CA10: variants seen among roughly 807,000 people sequenced by gnomAD.
The protein encoded by CA10 is carbonic anhydrase-related protein 10.
Under a neutral mutation model 44.2 loss-of-function variants are expected in CA10, and 14 were observed. That is an observed-to-expected ratio of 0.32 (90% CI 0.21 to 0.50). CA10 has a LOEUF of 0.50. CA10 is among the 20% of genes least tolerant of loss of function. CA10 has a pLI of 0.99. For missense variants in CA10, 350 were observed against 409.7 expected (o/e 0.85, Z 1.26); for synonymous variants, 159 against 141.6 (o/e 1.12, Z -0.87).
At chr17:51,708,624 A>AGG (rs1915833473) in intron 4 of CA10, among the ~76,000 whole-genome samples, 1 of 152,110 alleles carries the variant, frequency 6.6e-6, no homozygotes, top group South Asian at 2.1e-4. Context: ...CATGGCTGTG[A>AGG]GGGTGTTGCC....
At chr17:52,096,287 TCA>T (rs763690629) in intron 1 of CA10, among the ~76,000 whole-genome samples, 2 of 152,174 alleles carry the variant, frequency 1.3e-5, no homozygotes, top group Non-Finnish European at 2.9e-5. Context: ...GTGGGTGTTC[TCA>T]CTAATGAACA....
intron 1 of CA10, among the ~76,000 whole-genome samples, chr17:52,136,273 C>T (rs1989355897): frequency 6.6e-6 from 1 of 152,152 alleles, no homozygotes; most frequent in African/African-American, 2.4e-5. Flanking sequence ...TTAGTGGTTG[C>T]ACAATAAAGT....
intron 1 of CA10, among the ~76,000 whole-genome samples, chr17:52,084,745 T>C (rs1988074543): frequency 6.6e-6 from 1 of 152,180 alleles, no homozygotes. Flanking sequence ...AATCTCCCAA[T>C]ATTTATTTCC....
chr17:52,091,458 G>A (rs987109621), intron 1 of CA10, among the ~76,000 whole-genome samples: 1 of 152,150 alleles, frequency 6.6e-6, no homozygotes, highest in African/African-American at 2.4e-5. Context: ...ATGGGAGCAA[G>A]AAAGCCCAAA....
chr17:51,744,470 A>C (rs1904592134), intron 4 of CA10, among the ~76,000 whole-genome samples: 1 of 152,124 alleles, frequency 6.6e-6, no homozygotes, highest in South Asian at 2.1e-4. Flanking sequence ...GGCTGAGTGC[A>C]GTGGATCACA....
chr17:51,937,059 C>T (rs1435370253), intron 2 of CA10, among the ~76,000 whole-genome samples: 1 of 152,090 alleles, frequency 6.6e-6, no homozygotes, highest in Non-Finnish European at 1.5e-5. Flanking sequence ...GCAATCTTTT[C>T]TCGTTTTCAA....
At chr17:51,958,167 C>T (rs1229426485) in intron 2 of CA10, among the ~76,000 whole-genome samples, 3 of 151,932 alleles carry the variant, frequency 2.0e-5, no homozygotes, top group Non-Finnish European at 4.4e-5. Context: ...GAAAAAAACA[C>T]GTAGCATTAG....
intron 3 of CA10, among the ~76,000 whole-genome samples, chr17:51,904,042 T>C (rs1267444573): frequency 6.6e-6 from 1 of 151,652 alleles, no homozygotes; most frequent in Non-Finnish European, 1.5e-5. Flanking sequence ...TTGAAGTAAA[T>C]ACAGTTTCTG....
chr17:51,942,346 G>A (rs935708674), intron 2 of CA10, among the ~76,000 whole-genome samples: 7 of 151,924 alleles, frequency 4.6e-5, no homozygotes, highest in Non-Finnish European at 5.9e-5. Flanking sequence ...TATATAATCC[G>A]TTGGTGTTTT....
At chr17:52,013,839 C>T (rs1323414006) in intron 2 of CA10, among the ~76,000 whole-genome samples, 5 of 151,916 alleles carry the variant, frequency 3.3e-5, no homozygotes, top group Admixed American at 1.3e-4. Context: ...TATAAAATAA[C>T]GTAGTATAGT....
intron 3 of CA10, among the ~76,000 whole-genome samples, chr17:51,754,445 A>C (rs1187764817): frequency 6.0e-5 from 7 of 116,344 alleles, no homozygotes; most frequent in Non-Finnish European, 1.1e-4. Context: ...ATATATATAT[A>C]TATCACGTAA....
chr17:51,848,348 C>A (rs1308508731), intron 3 of CA10, among the ~76,000 whole-genome samples: 2 of 152,160 alleles, frequency 1.3e-5, no homozygotes, highest in South Asian at 4.1e-4. Context: ...TGCCTCACTC[C>A]TCTCACACTC....
chr17:52,117,838 T>A (rs7216071), intron 1 of CA10, among the ~76,000 whole-genome samples: 2,890 of 152,298 alleles, frequency 0.019, 42 homozygotes, highest in Non-Finnish European at 0.031. Context: ...GCTAAAGAAT[T>A]TTTTAAAATT....
intron 4 of CA10, among the ~76,000 whole-genome samples, chr17:51,680,485 T>G (rs578245345): frequency 6.6e-6 from 1 of 152,274 alleles, no homozygotes; most frequent in African/African-American, 2.4e-5. Flanking sequence ...TGAGCAATAA[T>G]GAAGGCCAGG....
At chr17:52,067,743 A>G (rs1254413889) in intron 2 of CA10, among the ~76,000 whole-genome samples, 1 of 152,190 alleles carries the variant, frequency 6.6e-6, no homozygotes, top group African/African-American at 2.4e-5. Flanking sequence ...GATGTGATAC[A>G]CAGAGTCAAA....
At chr17:52,030,290 C>G (rs1299075112) in intron 2 of CA10, among the ~76,000 whole-genome samples, 1 of 152,142 alleles carries the variant, frequency 6.6e-6, no homozygotes, top group Non-Finnish European at 1.5e-5. Context: ...TGCCGTAGGG[C>G]CTGTTGACCT....
chr17:52,071,504 C>T (rs1987678300), intron 2 of CA10, among the ~76,000 whole-genome samples: 1 of 147,846 alleles, frequency 6.8e-6, no homozygotes, highest in Admixed American at 6.7e-5. Flanking sequence ...GGACTCTGCT[C>T]TTTCTATTTG....
chr17:52,025,835 T>A (rs1423080997), intron 2 of CA10, among the ~76,000 whole-genome samples: 1 of 152,064 alleles, frequency 6.6e-6, no homozygotes, highest in Admixed American at 6.6e-5. Context: ...AAAGACAGAA[T>A]TGATGGTGAC....
At chr17:51,640,528 C>T (rs1913038341) in intron 6 of CA10, among the ~76,000 whole-genome samples, 1 of 152,180 alleles carries the variant, frequency 6.6e-6, no homozygotes, top group African/African-American at 2.4e-5. Context: ...GTTTTCATGA[C>T]TCATCATGCT....
Sources: allele counts gnomAD v4.1 joint callset (sites outside exome capture counted in the v4.1 genomes callset), GRCh38; gene constraint gnomAD v4.1.1; transcripts MANE v1.5; gene names NCBI Gene and HGNC (gene_info 2026-07-23, HGNC 2026-07-21).